KPNA6: variants seen among roughly 807,000 people sequenced by gnomAD.
The protein encoded by KPNA6 is karyopherin subunit alpha 6.
Under a neutral mutation model 72.0 loss-of-function variants are expected in KPNA6, and 9 were observed. That is an observed-to-expected ratio of 0.13 (90% CI 0.08 to 0.22). The LOEUF is 0.22. Ranked by LOEUF, KPNA6 falls within the 10% of genes least tolerant of loss-of-function variation. KPNA6 has a pLI of 1.00. For synonymous variants in KPNA6, 219 were observed against 242.1 expected (o/e 0.90, Z 0.89); for missense variants, 374 against 655.7 (o/e 0.57, Z 4.69).
intron 1 of KPNA6, among the ~76,000 whole-genome samples, chr1:32,153,435 G>T (rs1269086427): frequency 6.6e-6 from 1 of 151,746 alleles, no homozygotes; most frequent in Admixed American, 6.6e-5. Flanking sequence ...ATTAGGCGTG[G>T]TGGCAGGCAC....
chr1:32,147,927 GAGTGCT>G (rs1351149210), intron 1 of KPNA6, among the ~76,000 whole-genome samples: 1 of 151,976 alleles, frequency 6.6e-6, no homozygotes, highest in African/African-American at 2.4e-5. Flanking sequence ...TGGCCTCCCA[GAGTGCT>G]AGGATTACAG....
At chr1:32,145,388 G>A (rs539434833) in intron 1 of KPNA6, among the ~76,000 whole-genome samples, 135 of 150,572 alleles carry the variant, frequency 9.0e-4, no homozygotes, top group African/African-American at 3.2e-3. Context: ...GCAGCAGCAC[G>A]ATCTCAGCTC....
In KPNA6 at chr1:32,171,956, G is replaced by A. The variant is rs1319619724; in HGVS notation, c.*1062G>A. 6.6e-6 allele frequency: 1 copy of A among 152,060 alleles called. No homozygotes were observed. Among genetic ancestry groups the A allele is most frequent in the East Asian group, 1.9e-4 (1 of 5,186 alleles). 9.4% of individuals were successfully genotyped at this position (152,060 alleles called of 1,614,324 possible). A position where few individuals can be genotyped will look rare whatever the true frequency, so the allele number is the denominator to read the frequency against. ...GAGTGTCATGTATTGGGATAGTCAG[G>A]GATCCCTGCCTTTGGCCTTTCTTCT... On this transcript the variant is annotated 3_prime_UTR_variant, in exon 14 of 14. Transcript: ENST00000373625.
intron 1 of KPNA6, among the ~76,000 whole-genome samples, chr1:32,111,619 T>C (rs2124518438): frequency 6.6e-6 from 1 of 152,298 alleles, no homozygotes; most frequent in East Asian, 1.9e-4. Context: ...GAAGATTAGG[T>C]GACTAGTCCA....
rs549586113 is a variant in KPNA6, at chr1:32,150,477, A to AT, written c.5-4104dup. 3.1e-3 allele frequency among the ~76,000 whole-genome samples: 474 copies of AT among 151,592 alleles called. 1 individual carries two copies. The highest frequency in any genetic ancestry group is 0.011 in the African/African-American group (442 of 41,306). ...TAAATGTTTTTCTGTCTGCCTCTCA[A>AT]TTTTTTTCCCCTGTGAATCCAGTTA... On this transcript the variant is annotated intron_variant, in intron 1 of 13. Transcript: ENST00000373625.
chr1:32,129,682 A>G (rs1570011529), intron 1 of KPNA6, among the ~76,000 whole-genome samples: 1 of 152,214 alleles, frequency 6.6e-6, no homozygotes, highest in African/African-American at 2.4e-5. Flanking sequence ...TAGCTTCCCA[A>G]GTAGCTGGGA....
At chr1:32,154,968 G>A (rs1260952337) in intron 2 of KPNA6, among the ~76,000 whole-genome samples, 1 of 152,004 alleles carries the variant, frequency 6.6e-6, no homozygotes, top group Non-Finnish European at 1.5e-5. Context: ...GAAATTAGCC[G>A]GACGTGGTGG....
In KPNA6 at chr1:32,162,031, C is replaced by T. The variant is rs376371483; in HGVS notation, c.732C>T (p.Pro244=). 11 of 1,613,680 alleles carry T rather than the reference C, an allele frequency of 6.8e-6. No individual in the cohort carries two copies. The African/African-American group carries it at 8.0e-5, about 12-fold the overall frequency. Reference sequence around the variant, plus strand: ...ATCTCTGCCGAGGGAAAAACCCACCCCCAGAGTTTGCAAAGGTGAGAGAGC... The same window carrying T: ...ATCTCTGCCGAGGGAAAAACCCACCTCCAGAGTTTGCAAAGGTGAGAGAGC... ...LSNLCRGKNP[P]PEFAKVSPCL... is the part of the protein sequence containing the mutation. The change falls in exon 8 of 14, where the codon CCC becomes CCT. Residue 244 remains proline, a synonymous_variant. Transcript: ENST00000373625.
intron 1 of KPNA6, among the ~76,000 whole-genome samples, chr1:32,140,880 T>C (rs1641824692): frequency 6.6e-6 from 1 of 152,248 alleles, no homozygotes; most frequent in East Asian, 1.9e-4. Context: ...AAGCCATCTT[T>C]GATGTTTTCT....
chr1:32,108,905 T>A (rs1641195443), intron 1 of KPNA6, among the ~76,000 whole-genome samples: 1 of 152,180 alleles, frequency 6.6e-6, no homozygotes, highest in Non-Finnish European at 1.5e-5. Context: ...CATGGCGAAG[T>A]CTTTGGATTT....
At chr1:32,152,519 G>A (rs1024103257) in intron 1 of KPNA6, among the ~76,000 whole-genome samples, 10 of 152,054 alleles carry the variant, frequency 6.6e-5, no homozygotes, top group Non-Finnish European at 1.5e-4. Context: ...TTAATTTGAA[G>A]GAAATTTATA....
chr1:32,175,087 C>G lies in KPNA6; in HGVS notation c.*4193C>G, dbSNP rs1007002507. 2.0e-5 allele frequency: 3 copies of G among 152,176 alleles called. No homozygotes were observed. The highest frequency in any genetic ancestry group is 3.2e-3 in the Middle Eastern group (1 of 316). The allele number at this position is 152,176 out of a possible 1,614,324, so 9.4% of individuals were successfully genotyped here. A position where few individuals can be genotyped will look rare whatever the true frequency, so the allele number is the denominator to read the frequency against. On this transcript the variant is annotated 3_prime_UTR_variant, in exon 14 of 14. Coordinates refer to ENST00000373625, the MANE Select transcript of KPNA6 (RefSeq NM_012316.5). The stretch of plus-strand genomic sequence containing the variant: ...TCATTATCTGTCCTCTAGCCCCACA[C>G]CCTGATTTAGACCGTGGCAAAGGAA...
intron 1 of KPNA6, among the ~76,000 whole-genome samples, chr1:32,132,040 G>A (rs567279262): frequency 2.0e-5 from 3 of 149,776 alleles, no homozygotes; most frequent in Non-Finnish European, 4.4e-5. Context: ...GCGTAATCTC[G>A]GCTCACTGCA....
rs1642433563 is a variant in KPNA6 at position 32,171,338 on chromosome 1, T to G, written c.*444T>G. ...CTGTGTAACTCTTATCTTGGGTACT[T>G]GAGCAGACGGTATATTCCAGAGGTG... On this transcript the variant is annotated 3_prime_UTR_variant, in exon 14 of 14. Transcript: ENST00000373625. 1 of 155,914 alleles carries G rather than the reference T, an allele frequency of 6.4e-6. No homozygotes were observed. Among genetic ancestry groups the G allele is most frequent in the Non-Finnish European group, 1.4e-5 (1 of 70,458 alleles). 9.7% of individuals were successfully genotyped at this position (155,914 alleles called of 1,614,324 possible). A position where few individuals can be genotyped will look rare whatever the true frequency, so the allele number is the denominator to read the frequency against.
chr1:32,119,019 TA>T (rs61180105), intron 1 of KPNA6, among the ~76,000 whole-genome samples: 200 of 77,742 alleles, frequency 2.6e-3, no homozygotes, highest in African/African-American at 7.9e-3. Context: ...TATATATATA[TA>T]TATATATATA....
At chr1:32,143,048 G>A (rs1484421143) in intron 1 of KPNA6, 2 of 1,209,018 alleles carry the variant, frequency 1.7e-6, no homozygotes, top group Admixed American at 2.3e-5. Flanking sequence ...GCAGTTCATA[G>A]TGCTGCCTTC....
chr1:32,128,517 C>T (rs1641582328), intron 1 of KPNA6, among the ~76,000 whole-genome samples: 1 of 148,016 alleles, frequency 6.8e-6, no homozygotes. Flanking sequence ...AGATAGTTTT[C>T]CCCCAGTGGC....
chr1:32,147,286 TTTTTG>T (rs773957066), intron 1 of KPNA6, among the ~76,000 whole-genome samples: 2 of 152,176 alleles, frequency 1.3e-5, no homozygotes, highest in East Asian at 1.9e-4. Flanking sequence ...AGCACTTTGC[TTTTTG>T]TTTTGTTTTG....
chr1:32,136,647 A>G (rs1379058436), intron 1 of KPNA6, among the ~76,000 whole-genome samples: 1 of 152,260 alleles, frequency 6.6e-6, no homozygotes, highest in African/African-American at 2.4e-5. Flanking sequence ...GTTATAGGTC[A>G]GGGAAATAGA....
Sources: allele counts gnomAD v4.1 joint callset (sites outside exome capture counted in the v4.1 genomes callset), GRCh38; gene constraint gnomAD v4.1.1; transcripts MANE v1.5; gene names NCBI Gene and HGNC (gene_info 2026-07-23, HGNC 2026-07-21).